Variants in CRB1 observed in about 807,000 individuals in gnomAD.
CRB1 encodes crumbs cell polarity complex component 1.
In CRB1, 83 loss-of-function variants were observed where a neutral mutation model predicts 120.0. The observed-to-expected ratio is 0.69, with a 90% CI of 0.58 to 0.83. The LOEUF is 0.83. Ranked by LOEUF, CRB1 falls within the 40% of genes least tolerant of loss-of-function variation. The pLI, the probability that CRB1 is intolerant of heterozygous loss-of-function variation, is 0.00. For missense variants in CRB1, 1,699 were observed against 1,687.6 expected (o/e 1.01, Z -0.12); for synonymous variants, 625 against 612.5 (o/e 1.02, Z -0.30).
At chr1:197,354,300 G>A (rs1016973329) in intron 4 of CRB1, among the ~76,000 whole-genome samples, 10 of 152,128 alleles carry the variant, frequency 6.6e-5, no homozygotes, top group East Asian at 1.9e-4. Flanking sequence ...TAAACTGTAG[G>A]GTTAAACTCA....
intron 11 of CRB1, among the ~76,000 whole-genome samples, chr1:197,467,760 A>G (rs562040875): frequency 9.2e-5 from 14 of 152,342 alleles, no homozygotes; most frequent in African/African-American, 3.4e-4. Flanking sequence ...TACAAAATGC[A>G]AGTTAGTAGA....
chr1:197,371,426 C>G (rs1661365454), intron 5 of CRB1, among the ~76,000 whole-genome samples: 1 of 152,092 alleles, frequency 6.6e-6, no homozygotes, highest in African/African-American at 2.4e-5. Flanking sequence ...CAAGATGAGC[C>G]TTTTTAAATC....
intron 5 of CRB1, among the ~76,000 whole-genome samples, chr1:197,389,851 T>G (rs1662406387): frequency 6.6e-6 from 1 of 152,062 alleles, no homozygotes; most frequent in African/African-American, 2.4e-5. Context: ...TCTAAAGTCT[T>G]GAAAACTTAG....
At chr1:197,303,692 C>T (rs1470940509) in intron 1 of CRB1, among the ~76,000 whole-genome samples, 1 of 152,124 alleles carries the variant, frequency 6.6e-6, no homozygotes, top group Non-Finnish European at 1.5e-5. Context: ...GATCTTTTGA[C>T]TCATGCTTTC....
At chr1:197,428,695 T>C (rs1664720525) in intron 7 of CRB1, among the ~76,000 whole-genome samples, 1 of 152,256 alleles carries the variant, frequency 6.6e-6, no homozygotes, top group Non-Finnish European at 1.5e-5. Flanking sequence ...ACATTTTCAA[T>C]GTACTAGGCA....
intron 10 of CRB1, chr1:197,439,701 A>T (rs1665339207): frequency 6.6e-6 from 1 of 152,182 alleles, no homozygotes; most frequent in Non-Finnish European, 1.5e-5. Flanking sequence ...AAATTAAATA[A>T]ACTGAGCTCA....
At chr1:197,449,567 C>T (rs1298651131) in intron 11 of CRB1, among the ~76,000 whole-genome samples, 6 of 151,974 alleles carry the variant, frequency 3.9e-5, no homozygotes, top group Admixed American at 6.6e-5. Flanking sequence ...GGGATTTCAC[C>T]GTGTTAGCCA....
chr1:197,217,919 G>C, the CRB1 span, among the ~76,000 whole-genome samples: 1 of 152,226 alleles, frequency 6.6e-6, no homozygotes, highest in African/African-American at 2.4e-5. Context: ...CATAGGGCAT[G>C]ATCACATATA....
At chr1:197,422,703 T>C (rs1334352166) in intron 6 of CRB1, 3 of 152,294 alleles carry the variant, frequency 2.0e-5, no homozygotes, top group Non-Finnish European at 2.9e-5. Context: ...TTGATAGTGA[T>C]CAATATATAC....
In CRB1 at chr1:197,454,268, A is replaced by T. The variant is rs980695960; in HGVS notation, c.4005+11976A>T. Among the ~76,000 whole-genome samples, 13 of 18,906 alleles carry T rather than the reference A, an allele frequency of 6.9e-4. No individual in the cohort carries two copies. In the Admixed American group the frequency reaches 0.013, roughly 19 times the overall value. The allele number at this position is 18,906 out of a possible 152,430, so 12.4% of individuals were successfully genotyped here. A position where few individuals can be genotyped will look rare whatever the true frequency, so the allele number is the denominator to read the frequency against. ...TAAAATGATCTTACCACAATTTTTT[A>T]AAAAGTTACTTACTTAAGACAGAAT... On this transcript the variant is annotated intron_variant, in intron 11 of 11. Coordinates refer to ENST00000367400, the MANE Select transcript of CRB1 (RefSeq NM_201253.3).
At chr1:197,240,738 G>A in the CRB1 span, among the ~76,000 whole-genome samples, 4 of 152,176 alleles carry the variant, frequency 2.6e-5, no homozygotes, top group African/African-American at 9.7e-5. Context: ...GCAGTAATGG[G>A]ATTGCTGGGT....
chr1:197,325,635 C>G (rs868673737), intron 1 of CRB1, among the ~76,000 whole-genome samples: 1 of 151,980 alleles, frequency 6.6e-6, no homozygotes, highest in Non-Finnish European at 1.5e-5. Context: ...TAACATTATT[C>G]CATACCACAG....
intron 11 of CRB1, among the ~76,000 whole-genome samples, chr1:197,472,989 G>A (rs1001493081): frequency 3.9e-5 from 6 of 152,150 alleles, no homozygotes; most frequent in East Asian, 1.9e-4. Context: ...ATTCTAAGAC[G>A]TGGGAATTGT....
At chr1:197,453,382 A>G (rs1206333253) in intron 11 of CRB1, among the ~76,000 whole-genome samples, 1 of 147,614 alleles carries the variant, frequency 6.8e-6, no homozygotes, top group African/African-American at 2.5e-5. Context: ...ATTATATATA[A>G]TTAAATTATA....
In CRB1 at chr1:197,284,691, C is replaced by T. The variant is rs544734397; in HGVS notation, c.70+16209C>T. Among the ~76,000 whole-genome samples the T allele has an allele frequency of 1.5e-4, 23 of 151,878 alleles. 1 individual carries two copies. In the South Asian group the frequency reaches 4.6e-3, roughly 30 times the overall value. ...AAAGAAACAGCTGTTAGTCCTTTTTCGGTATATAAAATGCTCAGGATAGTG... is the reference window on the plus strand; with the variant it reads ...AAAGAAACAGCTGTTAGTCCTTTTTTGGTATATAAAATGCTCAGGATAGTG... On this transcript the variant is annotated intron_variant, in intron 1 of 11. Coordinates refer to ENST00000367400, the MANE Select transcript of CRB1 (RefSeq NM_201253.3).
At chr1:197,247,264 C>G in the CRB1 span, among the ~76,000 whole-genome samples, 1 of 151,972 alleles carries the variant, frequency 6.6e-6, no homozygotes, top group Non-Finnish European at 1.5e-5. Flanking sequence ...CCCAGGAAAC[C>G]TGAATGTTTC....
the CRB1 span, among the ~76,000 whole-genome samples, chr1:197,258,536 T>C: frequency 6.6e-6 from 1 of 152,210 alleles, no homozygotes; most frequent in African/African-American, 2.4e-5. Context: ...AAATTGGTCC[T>C]TATCAGACTT....
At chr1:197,389,416 A>G (rs1571452595) in intron 5 of CRB1, among the ~76,000 whole-genome samples, 1 of 152,288 alleles carries the variant, frequency 6.6e-6, no homozygotes, top group Middle Eastern at 3.4e-3. Flanking sequence ...TTGAGGAAAT[A>G]TGTTAAGTGA....
At chr1:197,324,236 C>T (rs1380685300) in intron 1 of CRB1, among the ~76,000 whole-genome samples, 1 of 152,092 alleles carries the variant, frequency 6.6e-6, no homozygotes, top group Non-Finnish European at 1.5e-5. Context: ...TGTGCTGGTG[C>T]TAAGCTTGCA....
Sources: gnomAD v4.1 joint callset for allele counts (sites outside exome capture counted in the v4.1 genomes callset) on GRCh38, gnomAD v4.1.1 for gene constraint, MANE v1.5 for transcripts, NCBI Gene and HGNC (gene_info 2026-07-23, HGNC 2026-07-21) for gene names.